PHEX: variants seen among roughly 807,000 people sequenced by gnomAD.
The protein encoded by PHEX is phosphate-regulating neutral endopeptidase PHEX.
A neutral mutation model predicts 68.0 loss-of-function variants in PHEX; 16 were observed. That is an observed-to-expected ratio of 0.24 (90% CI 0.16 to 0.36). The LOEUF (loss-of-function observed/expected upper bound fraction) is 0.36, where lower values mean the gene tolerates loss of function less well. Ranked by LOEUF, PHEX falls within the 10% of genes least tolerant of loss-of-function variation. The pLI is 1.00. For missense variants in PHEX, 480 were observed against 575.5 expected, an observed-to-expected ratio of 0.83 and a Z score of 1.70; for synonymous variants, 208 against 205.1, an observed-to-expected ratio of 1.01 and a Z score of -0.12.
At chrX:22,176,938 T>C (rs1175038113) in intron 13 of PHEX, among the ~76,000 whole-genome samples, 1 of 111,144 alleles carries the variant, frequency 9.0e-6, no homozygotes. Flanking sequence ...TGAGGGACAA[T>C]TTAAAGTCAT....
chrX:22,154,428 C>CCCA (rs1932908600), intron 12 of PHEX, among the ~76,000 whole-genome samples: 2 of 109,595 alleles, frequency 1.8e-5, no homozygotes, highest in East Asian at 5.8e-4. Flanking sequence ...AGGCATGAGA[C>CCCA]TCCCCTATAG....
At chrX:22,224,967 T>TGATTTATTATCATACAGCGCTGTAG in intron 18 of PHEX, among the ~76,000 whole-genome samples, 4 of 113,643 alleles carry the variant, frequency 3.5e-5, no homozygotes, top group Non-Finnish European at 5.6e-5. Context: ...CAGCGCTGTA[T>TGATTTATTATCATACAGCGCTGTAG]GATTTATTAT....
chrX:22,216,044 G>A lies in PHEX; in HGVS notation c.1701-2992G>A, dbSNP rs190083591. Among the ~76,000 whole-genome samples, 522 of 111,330 alleles carry A rather than the reference G, an allele frequency of 4.7e-3. 4 individuals are homozygous for A. The highest frequency in any genetic ancestry group is 0.016 in the African/African-American group (489 of 30,615). ...ATGGAGAGCTATTACGTTTAGACCC[G>A]CCCAAAGAGGAAATGGGTTACCTTA... On this transcript the variant is annotated intron_variant, in intron 16 of 21. Transcript: ENST00000379374.
At chrX:22,154,956 G>A (rs763553788) in intron 12 of PHEX, among the ~76,000 whole-genome samples, 2 of 112,511 alleles carry the variant, frequency 1.8e-5, no homozygotes, top group African/African-American at 6.5e-5. Flanking sequence ...CCGTTGCCCA[G>A]GCTCGAGTGC....
At chrX:22,146,842 T>TA (rs1932720688) in intron 12 of PHEX, among the ~76,000 whole-genome samples, 2 of 63,237 alleles carry the variant, frequency 3.2e-5, no homozygotes, top group African/African-American at 1.2e-4. Context: ...TAAAATAAAA[T>TA]TAATTAATTA....
chrX:22,205,814 C>T (rs1934694059), intron 15 of PHEX, among the ~76,000 whole-genome samples: 1 of 111,635 alleles, frequency 9.0e-6, no homozygotes, highest in African/African-American at 3.2e-5. Flanking sequence ...AAAATTAATG[C>T]TGCAGTAAAG....
intron 3 of PHEX, among the ~76,000 whole-genome samples, chrX:22,075,711 T>C (rs1929122812): frequency 8.9e-6 from 1 of 112,131 alleles, no homozygotes; most frequent in Non-Finnish European, 1.9e-5. Flanking sequence ...ATTTTATAAA[T>C]AGAAAATTAT....
intron 2 of PHEX, among the ~76,000 whole-genome samples, chrX:22,041,647 G>A (rs924820646): frequency 9.0e-6 from 1 of 110,554 alleles, no homozygotes; most frequent in Admixed American, 9.8e-5. Flanking sequence ...GGAGTGGGGT[G>A]AGAGAGCAGG....
intron 11 of PHEX, among the ~76,000 whole-genome samples, chrX:22,130,560 A>C (rs1159363681): frequency 9.2e-6 from 1 of 108,684 alleles, no homozygotes. Context: ...AAAAAAAAAA[A>C]AAAAAAAAAA....
chrX:22,233,455 G>A (rs183613107), intron 20 of PHEX, among the ~76,000 whole-genome samples: 39 of 111,382 alleles, frequency 3.5e-4, no homozygotes, highest in African/African-American at 1.1e-3. Context: ...CCAATCAAAC[G>A]TAGATTTGGT....
intron 18 of PHEX, among the ~76,000 whole-genome samples, chrX:22,224,947 AATTATCATACAGCGCTGTATGATTT>A (rs1443887608): frequency 8.6e-5 from 2 of 23,249 alleles, no homozygotes; most frequent in Non-Finnish European, 1.6e-4. Context: ...AAATAACATA[AATTATCATACAGCGCTGTATGATTT>A]ATTATCATAC....
intron 20 of PHEX, among the ~76,000 whole-genome samples, chrX:22,228,834 C>T (rs989829623): frequency 7.2e-5 from 8 of 111,698 alleles, no homozygotes; most frequent in African/African-American, 9.8e-5. Context: ...CCCATCAACC[C>T]GTCACCTACA....
chrX:22,213,521 G>C (rs1934997576), intron 16 of PHEX, among the ~76,000 whole-genome samples: 1 of 112,029 alleles, frequency 8.9e-6, no homozygotes, highest in Non-Finnish European at 1.9e-5. Context: ...TATAACCTGT[G>C]TAGCTACAGA....
intron 3 of PHEX, among the ~76,000 whole-genome samples, chrX:22,071,632 A>G (rs1928904546): frequency 8.9e-6 from 1 of 112,114 alleles, no homozygotes; most frequent in Non-Finnish European, 1.9e-5. Flanking sequence ...TTTCTTGGTG[A>G]TATTATTTGA....
chrX:22,034,432 C>T (rs746922670), intron 1 of PHEX, among the ~76,000 whole-genome samples: 4 of 112,312 alleles, frequency 3.6e-5, no homozygotes, highest in African/African-American at 6.5e-5. Context: ...CTCCTGAGGC[C>T]GTGGCATATC....
At chrX:22,195,901 G>A (rs1289771737) in intron 15 of PHEX, among the ~76,000 whole-genome samples, 2 of 111,942 alleles carry the variant, frequency 1.8e-5, no homozygotes, top group Non-Finnish European at 3.8e-5. Flanking sequence ...GTCTGGCTGG[G>A]TGTGGTGGCT....
At chrX:22,138,515 A>G (rs1380216346) in intron 12 of PHEX, among the ~76,000 whole-genome samples, 2 of 111,448 alleles carry the variant, frequency 1.8e-5, no homozygotes, top group Non-Finnish European at 3.8e-5. Flanking sequence ...AGGGTGCCTT[A>G]CTTGGGAAGT....
At chrX:22,224,538 C>T (rs1349535570) in intron 18 of PHEX, among the ~76,000 whole-genome samples, 1 of 111,393 alleles carries the variant, frequency 9.0e-6, no homozygotes, top group East Asian at 2.8e-4. Flanking sequence ...TTGATCTGAG[C>T]TGTTAGCAGT....
chrX:22,059,817 G>A (rs1197428164), intron 3 of PHEX, among the ~76,000 whole-genome samples: 1 of 111,885 alleles, frequency 8.9e-6, no homozygotes, highest in Non-Finnish European at 1.9e-5. Context: ...CCGGGGTAAT[G>A]AGCATGTTAC....
Sources: gnomAD v4.1 joint callset for allele counts (sites outside exome capture counted in the v4.1 genomes callset) on GRCh38, gnomAD v4.1.1 for gene constraint, MANE v1.5 for transcripts, NCBI Gene and HGNC (gene_info 2026-07-23, HGNC 2026-07-21) for gene names.